The following EYS variants were observed in gnomAD, a reference collection of about 807,000 sequenced individuals.
The protein encoded by EYS is EGF-like photoreceptor maintenance factor.
A neutral mutation model predicts 282.1 loss-of-function variants in EYS; 250 were observed. The ratio of observed to expected loss-of-function variants is 0.89; its 90% CI spans 0.80 to 0.98. The LOEUF is 0.98. Among genes scored for constraint, EYS ranks in the 50% least tolerant of loss-of-function variants. The probability of loss-of-function intolerance (pLI) is 0.00; values close to 1 mark genes in which losing one functional copy is unlikely to be tolerated. For missense variants in EYS, 4,016 were observed against 3,709.0 expected (o/e 1.08, Z -2.15); for synonymous variants, 1,355 against 1,282.9 (o/e 1.06, Z -1.20).
intron 33 of EYS, among the ~76,000 whole-genome samples, chr6:64,055,235 G>T (rs1392015267): frequency 6.6e-6 from 1 of 151,952 alleles, no homozygotes; most frequent in Non-Finnish European, 1.5e-5. Flanking sequence ...TTAATAAGAT[G>T]CTGTAAAATA....
chr6:65,531,227 C>G (rs912222061), intron 2 of EYS, among the ~76,000 whole-genome samples: 1 of 151,986 alleles, frequency 6.6e-6, no homozygotes, highest in Admixed American at 6.6e-5. Flanking sequence ...GTTCTCCCGG[C>G]AAGAGGGAAA....
At chr6:65,481,147 T>A (rs1265614951) in intron 5 of EYS, among the ~76,000 whole-genome samples, 1 of 152,198 alleles carries the variant, frequency 6.6e-6, no homozygotes, top group Non-Finnish European at 1.5e-5. Flanking sequence ...GATAAATGCT[T>A]GAAGTGATGG....
At chr6:64,057,393 T>C (rs1162658634) in intron 33 of EYS, among the ~76,000 whole-genome samples, 1 of 151,840 alleles carries the variant, frequency 6.6e-6, no homozygotes, top group Admixed American at 6.6e-5. Context: ...TTTTTTTTTT[T>C]TAAAAATAGA....
chr6:65,616,570 G>A (rs988648775), intron 2 of EYS, among the ~76,000 whole-genome samples: 2 of 152,058 alleles, frequency 1.3e-5, no homozygotes, highest in African/African-American at 4.8e-5. Flanking sequence ...GGTGGATCAC[G>A]AGGTCAAGAG....
chr6:64,370,737 G>A (rs1772338703), intron 29 of EYS, among the ~76,000 whole-genome samples: 1 of 151,888 alleles, frequency 6.6e-6, no homozygotes, highest in South Asian at 2.1e-4. Flanking sequence ...TCTCTTCTCG[G>A]TTCAATCTTG....
intron 12 of EYS, among the ~76,000 whole-genome samples, chr6:65,243,070 A>ATGATTTGCAACAATAAC (rs1767093584): frequency 6.6e-6 from 1 of 151,848 alleles, no homozygotes; most frequent in South Asian, 2.1e-4. Context: ...ATATAACAAT[A>ATGATTTGCAACAATAAC]TGATTTGCAA....
chr6:65,299,794 T>TA lies in EYS; in HGVS notation c.1767-3676dup, dbSNP rs575234042. ...AAAATATTTTACATTTATTACTTAA[T>TA]AAAAAAGCACATTTAAACATTATTC... is the stretch of plus-strand genomic sequence containing the variant. On this transcript the variant is annotated intron_variant, in intron 11 of 42. Coordinates refer to ENST00000503581, the MANE Select transcript of EYS (RefSeq NM_001142800.2). 1.8e-4 allele frequency among the ~76,000 whole-genome samples: 27 copies of TA among 152,220 alleles called. No homozygotes were observed. The South Asian group carries it at 1.9e-3, about 11-fold the overall frequency.
At chr6:64,491,331 A>G (rs1221665714) in intron 26 of EYS, among the ~76,000 whole-genome samples, 1 of 149,944 alleles carries the variant, frequency 6.7e-6, no homozygotes, top group Non-Finnish European at 1.5e-5. Flanking sequence ...CTTATCTTAG[A>G]AAAAAAAATC....
chr6:64,782,791 T>C (rs1773900675), intron 22 of EYS, among the ~76,000 whole-genome samples: 1 of 152,200 alleles, frequency 6.6e-6, no homozygotes, highest in Admixed American at 6.5e-5. Flanking sequence ...AGTTCTCAAT[T>C]ACATATATTT....
chr6:64,851,457 C>T (rs1330604200), intron 19 of EYS, among the ~76,000 whole-genome samples: 1 of 151,934 alleles, frequency 6.6e-6, no homozygotes, highest in Non-Finnish European at 1.5e-5. Context: ...TCATTCATAC[C>T]TGATTTAGAT....
chr6:64,178,317 T>C (rs932358140), intron 31 of EYS, among the ~76,000 whole-genome samples: 1 of 152,138 alleles, frequency 6.6e-6, no homozygotes, highest in Admixed American at 6.6e-5. Context: ...GAGCTAATCA[T>C]CTTTGAATTT....
At chr6:63,855,008 C>G (rs1256158440) in intron 36 of EYS, among the ~76,000 whole-genome samples, 1 of 152,188 alleles carries the variant, frequency 6.6e-6, no homozygotes, top group Admixed American at 6.5e-5. Context: ...TCTGTATACT[C>G]CACTCTGGGA....
chr6:65,371,301 A>G (rs1169326479), intron 8 of EYS, among the ~76,000 whole-genome samples: 2 of 151,748 alleles, frequency 1.3e-5, no homozygotes, highest in Non-Finnish European at 2.9e-5. Context: ...TGAAAACACT[A>G]TGTCCTTTTA....
At chr6:65,074,221 A>G (rs868047417) in intron 12 of EYS, among the ~76,000 whole-genome samples, 4 of 152,070 alleles carry the variant, frequency 2.6e-5, no homozygotes, top group African/African-American at 7.2e-5. Context: ...TGCCGACTCT[A>G]TGGTAAATAC....
At chr6:64,131,114 C>G (rs187465631) in intron 31 of EYS, among the ~76,000 whole-genome samples, 15 of 152,146 alleles carry the variant, frequency 9.9e-5, no homozygotes, top group East Asian at 5.8e-4. Context: ...GATCCTCCCC[C>G]CCTTGGCCTC....
chr6:64,330,420 GA>G (rs1018155931), intron 29 of EYS, among the ~76,000 whole-genome samples: 1 of 152,118 alleles, frequency 6.6e-6, no homozygotes, highest in Non-Finnish European at 1.5e-5. Flanking sequence ...AGGGAGGGGG[GA>G]AAGAACCCCT....
intron 37 of EYS, among the ~76,000 whole-genome samples, chr6:63,796,873 C>T (rs1248125579): frequency 6.6e-6 from 1 of 152,174 alleles, no homozygotes; most frequent in Non-Finnish European, 1.5e-5. Context: ...AGTAAATTTT[C>T]CTTCTCCCTT....
At chr6:65,391,232 C>A (rs1193731773) in intron 7 of EYS, among the ~76,000 whole-genome samples, 3 of 152,000 alleles carry the variant, frequency 2.0e-5, no homozygotes, top group Non-Finnish European at 2.9e-5. Flanking sequence ...TCCCCTATAA[C>A]AATATTGCAG....
intron 36 of EYS, among the ~76,000 whole-genome samples, chr6:63,831,101 AT>A (rs1249796644): frequency 2.0e-5 from 3 of 152,236 alleles, no homozygotes; most frequent in African/African-American, 7.2e-5. Context: ...AGTACCAGCC[AT>A]TGCAAAAACA....
Sources: allele counts gnomAD v4.1 joint callset (sites outside exome capture counted in the v4.1 genomes callset), GRCh38; gene constraint gnomAD v4.1.1; transcripts MANE v1.5; gene names NCBI Gene and HGNC (gene_info 2026-07-23, HGNC 2026-07-21).